ABTB2: variants seen among roughly 807,000 people sequenced by gnomAD.
The protein encoded by ABTB2 is ankyrin repeat and BTB/POZ domain-containing protein 2.
In ABTB2, 56 loss-of-function variants were observed where a neutral mutation model predicts 104.1. The observed-to-expected ratio is 0.54, with a 90% confidence interval of 0.43 to 0.67. ABTB2 has a LOEUF of 0.67. Among genes scored for constraint, ABTB2 ranks in the 30% least tolerant of loss-of-function variants. The pLI, the probability that ABTB2 is intolerant of heterozygous loss-of-function variation, is 0.00. For missense variants in ABTB2, 1,279 were observed against 1,407.7 expected, an observed-to-expected ratio of 0.91 and a Z score of 1.46; for synonymous variants, 606 against 608.2, an observed-to-expected ratio of 1.00 and a Z score of 0.05.
At chr11:34,216,516 C>T (rs1258765380) in intron 1 of ABTB2, among the ~76,000 whole-genome samples, 5 of 152,112 alleles carry the variant, frequency 3.3e-5, no homozygotes, top group African/African-American at 4.8e-5. Context: ...TTTGGGAGGC[C>T]GAGCCAGGCA....
At chr11:34,286,223 AGAGGCAG>A (rs924840972) in intron 1 of ABTB2, among the ~76,000 whole-genome samples, 7 of 151,808 alleles carry the variant, frequency 4.6e-5, no homozygotes, top group African/African-American at 1.7e-4. Flanking sequence ...TTTGGGAGGC[AGAGGCAG>A]GAGGATCGTT....
chr11:34,270,728 G>C (rs2755164), intron 1 of ABTB2, among the ~76,000 whole-genome samples: 6 of 152,026 alleles, frequency 3.9e-5, no homozygotes, highest in Non-Finnish European at 8.8e-5. Context: ...AGTTTGGGGG[G>C]TGGGAACAGC....
At chr11:34,183,340 A>T (rs886697360) in intron 3 of ABTB2, among the ~76,000 whole-genome samples, 9 of 152,166 alleles carry the variant, frequency 5.9e-5, no homozygotes, top group African/African-American at 2.2e-4. Context: ...ACTCAAGCCA[A>T]CTGCCTACCT....
intron 8 of ABTB2, 92 bp downstream of exon 8, chr11:34,165,168 A>G: frequency 8.2e-7 from 1 of 1,223,860 alleles, no homozygotes; most frequent in East Asian, 2.6e-5. Flanking sequence ...GTGTGTGCTA[A>G]AGAGACCCCT....
In ABTB2 at chr11:34,162,021, T is replaced by C. The variant is rs140114305; in HGVS notation, c.2218+555A>G. On this transcript the variant is annotated intron_variant, in intron 10 of 16. Transcript: ENST00000435224. ...CCACTACGCCTTGTACTTCAGGTGA[T>C]GTCACCTCATTCTTAGATAAGGATC... Among the ~76,000 whole-genome samples the C allele has an allele frequency of 8.8e-3, 1,337 of 152,286 alleles. 8 individuals carry two copies. The highest frequency in any genetic ancestry group is 0.037 in the Middle Eastern group (11 of 294).
chr11:34,154,591 C>T lies in ABTB2; in HGVS notation c.2766+110G>A. 3 of 1,158,268 alleles carry T rather than the reference C, an allele frequency of 2.6e-6. No homozygotes were observed. Among genetic ancestry groups the T allele is most frequent in the Non-Finnish European group, 3.8e-6 (3 of 789,494 alleles). 71.7% of individuals were successfully genotyped at this position (1,158,268 alleles called of 1,614,324 possible). A position where few individuals can be genotyped will look rare whatever the true frequency, so the allele number is the denominator to read the frequency against. ...ACAGTTCCTCTTTCTGGGAACTGCT[C>T]TTCCTGTCAGATGGAGAGGAAGAGC... On this transcript the variant is annotated intron_variant, in intron 15 of 16. Coordinates refer to ENST00000435224, the MANE Select transcript of ABTB2 (RefSeq NM_145804.3). The surrounding 1 kb of genome is among the most constrained non-coding windows in gnomAD (Gnocchi z 4.9).
chr11:34,210,052 C>A (rs2746631), intron 1 of ABTB2, among the ~76,000 whole-genome samples: 125,073 of 152,012 alleles, frequency 0.82, 51,592 homozygotes, highest in East Asian at 1. Context: ...CCAACCGGGA[C>A]GTGAGCTGAG....
At chr11:34,267,217 G>A (rs778181479) in intron 1 of ABTB2, among the ~76,000 whole-genome samples, 2 of 152,314 alleles carry the variant, frequency 1.3e-5, no homozygotes, top group South Asian at 2.1e-4. Context: ...CTGGGTGCTC[G>A]AGAGGCGGCA....
chr11:34,284,685 C>T lies in ABTB2; in HGVS notation c.883+72016G>A, dbSNP rs559901694. On this transcript the variant is annotated intron_variant, in intron 1 of 16. Coordinates refer to ENST00000435224, the MANE Select transcript of ABTB2 (RefSeq NM_145804.3). The stretch of plus-strand genomic sequence containing the variant: ...ACTGTAACCAGAGAGGTGGAGAAAG[C>T]GGAGGGCTTAAACACACATAGGAAC... Among the ~76,000 whole-genome samples the T allele has an allele frequency of 4.8e-4, 73 of 152,106 alleles. 1 individual carries two copies. The South Asian group carries it at 0.014, about 29-fold the overall frequency.
At chr11:34,225,256 C>G (rs535694639) in intron 1 of ABTB2, among the ~76,000 whole-genome samples, 2 of 152,062 alleles carry the variant, frequency 1.3e-5, no homozygotes, top group African/African-American at 4.8e-5. Flanking sequence ...AAAGAGTGGG[C>G]TTGTCAGCCT....
At chr11:34,288,774 G>A (rs1854533646) in intron 1 of ABTB2, among the ~76,000 whole-genome samples, 1 of 151,940 alleles carries the variant, frequency 6.6e-6, no homozygotes, top group African/African-American at 2.4e-5. Flanking sequence ...GGTGCACAAG[G>A]AAGGTATAGG....
rs1171791397 is a variant in ABTB2 at position 34,152,144 on chromosome 11, A to AAACT, written c.*239_*242dup. The AAACT allele has an allele frequency of 3.8e-6, 2 of 528,568 alleles. No homozygotes were observed. The highest frequency in any genetic ancestry group is 6.8e-6 in the Non-Finnish European group (2 of 292,718). The allele number at this position is 528,568 out of a possible 1,614,324, so 32.7% of individuals were successfully genotyped here. ...GAGTGCATGGCTGCCCTTGAGTTGC[A>AAACT]AACTGAGATGGGGAGGAGGGCCACC... On this transcript the variant is annotated 3_prime_UTR_variant, in exon 17 of 17. Coordinates refer to ENST00000435224, the MANE Select transcript of ABTB2 (RefSeq NM_145804.3).
At chr11:34,280,951 C>T (rs1195430351) in intron 1 of ABTB2, among the ~76,000 whole-genome samples, 3 of 152,144 alleles carry the variant, frequency 2.0e-5, no homozygotes, top group Non-Finnish European at 4.4e-5. Flanking sequence ...ATGGGAAGCT[C>T]CTTAATTGTG....
At chr11:34,191,535 C>T (rs1853176578) in intron 3 of ABTB2, among the ~76,000 whole-genome samples, 1 of 152,192 alleles carries the variant, frequency 6.6e-6, no homozygotes, top group Admixed American at 6.5e-5. Flanking sequence ...GCACCCTGGT[C>T]TCGTCTCTCC....
chr11:34,197,239 T>C (rs1853269407), intron 3 of ABTB2, 86 bp downstream of exon 3: 1 of 1,445,766 alleles, frequency 6.9e-7, no homozygotes, highest in Non-Finnish European at 9.7e-7. Context: ...GCCCTGTTGG[T>C]CAGTCGTCAG....
At chr11:34,160,177 T>G in intron 12 of ABTB2, 71 bp downstream of exon 12, 1 of 1,411,206 alleles carries the variant, frequency 7.1e-7, no homozygotes, top group South Asian at 1.2e-5. Flanking sequence ...GATGACAAAG[T>G]GGGGAGGAAG....
At chr11:34,216,900 C>A (rs867881092) in intron 1 of ABTB2, among the ~76,000 whole-genome samples, 25 of 152,348 alleles carry the variant, frequency 1.6e-4, no homozygotes, top group South Asian at 6.2e-4. Flanking sequence ...TCCATTAAGA[C>A]ACGCCCACCA....
At chr11:34,247,135 C>G (rs958775354) in intron 1 of ABTB2, among the ~76,000 whole-genome samples, 11 of 152,240 alleles carry the variant, frequency 7.2e-5, no homozygotes, top group Non-Finnish European at 1.5e-5. Flanking sequence ...ACGTGAGCCA[C>G]TGCACCTGGC....
chr11:34,253,773 A>G (rs545602212), intron 1 of ABTB2, among the ~76,000 whole-genome samples: 2 of 152,256 alleles, frequency 1.3e-5, no homozygotes, highest in South Asian at 2.1e-4. Flanking sequence ...CTGCCTGGGC[A>G]CAGTGTCCTC....
Sources: allele counts gnomAD v4.1 joint callset (sites outside exome capture counted in the v4.1 genomes callset), GRCh38; gene constraint gnomAD v4.1.1; non-coding constraint Gnocchi (gnomAD v3.1); transcripts MANE v1.5; gene names NCBI Gene and HGNC (gene_info 2026-07-23, HGNC 2026-07-21).